Variants in ZNF280D observed in about 807,000 individuals in gnomAD.
The protein encoded by ZNF280D is zinc finger protein 280D.
ZNF280D carries 39 observed loss-of-function variants against 94.7 expected under a neutral mutation model. That is an observed-to-expected ratio of 0.41 (90% CI 0.32 to 0.54). The LOEUF (loss-of-function observed/expected upper bound fraction) is 0.54, where lower values mean the gene tolerates loss of function less well. Among genes scored for constraint, ZNF280D ranks in the 20% least tolerant of loss-of-function variants. ZNF280D has a pLI of 0.22. For missense variants in ZNF280D, 1,090 were observed against 1,149.3 expected, an observed-to-expected ratio of 0.95 and a Z score of 0.75; for synonymous variants, 398 against 377.6, an observed-to-expected ratio of 1.05 and a Z score of -0.63.
At chr15:56,704,078 T>G in intron 4 of ZNF280D, 43 bp downstream of exon 4, 1 of 1,606,598 alleles carries the variant, frequency 6.2e-7, no homozygotes, top group Non-Finnish European at 8.5e-7. Context: ...CTACTAGAAA[T>G]AATACCTTAT....
rs530417955 is a variant in ZNF280D at position 56,722,635 on chromosome 15, G to A, written c.-86+10823C>T. Among the ~76,000 whole-genome samples, 26 of 152,296 alleles carry A rather than the reference G, an allele frequency of 1.7e-4. No individual in the cohort carries two copies. The East Asian group carries it at 1.7e-3, about 10-fold the overall frequency. On this transcript the variant is annotated intron_variant, in intron 1 of 21. Transcript: ENST00000267807. ...ACACTTTTACACTGTTGGTGGGGCT[G>A]TAAACTAGTTCAACCATTGTGGAAG... is the stretch of plus-strand genomic sequence containing the variant.
At chr15:56,657,804 C>T (rs1416879714) in intron 17 of ZNF280D, among the ~76,000 whole-genome samples, 2 of 152,112 alleles carry the variant, frequency 1.3e-5, no homozygotes, top group Non-Finnish European at 2.9e-5. Context: ...CTTTGGAAAA[C>T]AGTCTGGTGC....
At chr15:56,694,090 G>A (rs74015861) in intron 6 of ZNF280D, among the ~76,000 whole-genome samples, 4,162 of 152,142 alleles carry the variant, frequency 0.027, 188 homozygotes, top group African/African-American at 0.095. Flanking sequence ...CTTCCATCAG[G>A]AGAAAGGGTG....
rs756916297 is a variant in ZNF280D at position 56,693,218 on chromosome 15, G to A, written c.382-3C>T. ...CGTGATGAGTTTGTTATATAACCCTGTTAAATAGTTCAAAGGAAAAATAAT... is the reference window on the plus strand; with the variant it reads ...CGTGATGAGTTTGTTATATAACCCTATTAAATAGTTCAAAGGAAAAATAAT... On this transcript the variant is annotated splice_polypyrimidine_tract_variant and splice_region_variant and intron_variant, in intron 6 of 21. Coordinates refer to ENST00000267807, the MANE Select transcript of ZNF280D (RefSeq NM_017661.4). The A allele has an allele frequency of 1.4e-6, 2 of 1,417,366 alleles. No homozygotes were observed. The highest frequency in any genetic ancestry group is 9.5e-7 in the Non-Finnish European group (1 of 1,050,560). 87.8% of individuals were successfully genotyped at this position (1,417,366 alleles called of 1,614,324 possible).
chr15:56,700,615 C>A, intron 6 of ZNF280D: 1 of 1,233,094 alleles, frequency 8.1e-7, no homozygotes, highest in Admixed American at 4.0e-5. Flanking sequence ...CTGGTCCCGT[C>A]TGCAATCTTA....
At chr15:56,723,218 T>TA (rs1437739715) in intron 1 of ZNF280D, among the ~76,000 whole-genome samples, 1 of 138,050 alleles carries the variant, frequency 7.2e-6, no homozygotes, top group East Asian at 2.1e-4. Flanking sequence ...CCCTAAAACT[T>TA]AAAGTATAAT....
intron 9 of ZNF280D, among the ~76,000 whole-genome samples, chr15:56,687,492 T>C (rs183065418): frequency 8.5e-5 from 13 of 152,210 alleles, no homozygotes; most frequent in Middle Eastern, 6.8e-3. Context: ...CCAGGGAGCA[T>C]TCAAAACAAA....
chr15:56,641,268 T>C (rs2052614022), intron 20 of ZNF280D, among the ~76,000 whole-genome samples: 1 of 152,046 alleles, frequency 6.6e-6, no homozygotes, highest in South Asian at 2.1e-4. Flanking sequence ...AGGCCTTTTA[T>C]TAAGTGTGTA....
chr15:56,688,751 C>T (rs2253150), intron 9 of ZNF280D: 2 of 172,188 alleles, frequency 1.2e-5, no homozygotes, highest in African/African-American at 4.7e-5. Flanking sequence ...TTTTATAAGA[C>T]ATTTGAAGAG....
At chr15:56,670,334 T>C (rs1286874520) in intron 13 of ZNF280D, among the ~76,000 whole-genome samples, 6 of 151,580 alleles carry the variant, frequency 4.0e-5, no homozygotes, top group Admixed American at 2.0e-4. Context: ...TTCCTGATCC[T>C]CTCTCTCCTC....
intron 3 of ZNF280D, among the ~76,000 whole-genome samples, 189 bp downstream of exon 3, chr15:56,706,893 G>A: frequency 6.6e-6 from 1 of 151,906 alleles, no homozygotes; most frequent in Non-Finnish European, 1.5e-5. Flanking sequence ...TTCTGATAAT[G>A]GGGGAAAACA....
chr15:56,697,896 T>C (rs1459815462), intron 6 of ZNF280D: 1 of 152,242 alleles, frequency 6.6e-6, no homozygotes, highest in Non-Finnish European at 1.5e-5. Flanking sequence ...GCAAAGCTCT[T>C]AAATATCTAG....
At chr15:56,662,521 A>G (rs2054010824) in intron 16 of ZNF280D, among the ~76,000 whole-genome samples, 1 of 152,038 alleles carries the variant, frequency 6.6e-6, no homozygotes, top group South Asian at 2.1e-4. Context: ...AAACACAAAT[A>G]AATACAATAA....
chr15:56,631,784 C>A lies in ZNF280D; in HGVS notation c.2654G>T (p.Arg885Leu). The A allele has an allele frequency of 6.2e-7, 1 of 1,614,108 alleles. No individual in the cohort carries two copies. Among genetic ancestry groups the A allele is most frequent in the Non-Finnish European group, 8.5e-7 (1 of 1,180,010 alleles). The change falls in exon 22 of 22, where the codon CGA becomes CTA. Residue 885 changes from arginine to leucine, a missense_variant. Transcript: ENST00000267807. ...RFSSKNIKDL[R>L]LASDNVSIDQ... ...AATGCTTACATTATCTGATGCTAAT[C>A]GCAAATCCTTAATATTCTTTGAAGA... is the stretch of plus-strand genomic sequence containing the variant.
intron 6 of ZNF280D, among the ~76,000 whole-genome samples, chr15:56,696,605 A>C (rs1375307077): frequency 1.3e-5 from 2 of 152,240 alleles, no homozygotes; most frequent in African/African-American, 4.8e-5. Context: ...GAGATACCAC[A>C]TTCCATGAAA....
chr15:56,711,618 C>A (rs1288405356), intron 1 of ZNF280D, among the ~76,000 whole-genome samples: 1 of 152,078 alleles, frequency 6.6e-6, no homozygotes, highest in Non-Finnish European at 1.5e-5. Context: ...GAGCTGAGAT[C>A]GTGCCACTGC....
Position 56,631,801 on chromosome 15 carries a change from C to T in ZNF280D, c.2637G>A (p.Lys879=), listed in dbSNP as rs2052087312. The change falls in exon 22 of 22, where the codon AAG becomes AAA. Residue 879 remains lysine (K), a synonymous_variant. Coordinates refer to ENST00000267807, the MANE Select transcript of ZNF280D (RefSeq NM_017661.4). ...ATGCTAATCGCAAATCCTTAATATT[C>T]TTTGAAGAAAATCTGGCTTCACTGG... ...HNSSEARFSS[K]NIKDLRLASD... 1 of 1,614,094 alleles carries T rather than the reference C, an allele frequency of 6.2e-7. No individual in the cohort carries two copies. The highest frequency in any genetic ancestry group is 8.5e-7 in the Non-Finnish European group (1 of 1,180,002).
At chr15:56,718,815 C>G (rs185221694) in intron 1 of ZNF280D, among the ~76,000 whole-genome samples, 380 of 152,310 alleles carry the variant, frequency 2.5e-3, no homozygotes, top group Admixed American at 5.2e-3. Context: ...GTATCCACCT[C>G]AAGACCCCAA....
At chr15:56,676,931 C>G in intron 12 of ZNF280D, 115 bp from the exon 13 acceptor site, 2 of 753,240 alleles carry the variant, frequency 2.7e-6, no homozygotes, top group South Asian at 4.2e-5. Context: ...TAATCTAGCT[C>G]TGATGCCTTT....
Sources: allele counts gnomAD v4.1 joint callset (sites outside exome capture counted in the v4.1 genomes callset), GRCh38; gene constraint gnomAD v4.1.1; transcripts MANE v1.5; gene names NCBI Gene and HGNC (gene_info 2026-07-23, HGNC 2026-07-21).